Variants in ERBB4 observed in about 807,000 individuals in gnomAD.
The protein encoded by ERBB4 is erb-b2 receptor tyrosine kinase 4, also known as receptor tyrosine-protein kinase erbB-4.
A neutral mutation model predicts 158.0 loss-of-function variants in ERBB4; 42 were observed. The ratio of observed to expected loss-of-function variants is 0.27; its 90% confidence interval spans 0.21 to 0.34. The LOEUF (loss-of-function observed/expected upper bound fraction) is 0.34. ERBB4 is among the 10% of genes least tolerant of loss of function. The pLI, the probability that ERBB4 is intolerant of heterozygous loss-of-function variation, is 1.00. For missense variants in ERBB4, 1,333 were observed against 1,624.1 expected, an observed-to-expected ratio of 0.82 and a Z score of 3.08; for synonymous variants, 583 against 558.7, an observed-to-expected ratio of 1.04 and a Z score of -0.61.
At chr2:211,560,362 C>T (rs2067357393) in intron 20 of ERBB4, among the ~76,000 whole-genome samples, 2 of 144,972 alleles carry the variant, frequency 1.4e-5, no homozygotes, top group South Asian at 4.5e-4. Flanking sequence ...ACAACCTCAG[C>T]CTCCCAGGTA....
chr2:212,102,980 CT>C (rs2079126609), intron 2 of ERBB4, among the ~76,000 whole-genome samples: 1 of 152,118 alleles, frequency 6.6e-6, no homozygotes, highest in Non-Finnish European at 1.5e-5. Flanking sequence ...AACTTCTGCT[CT>C]TCTCCACTTC....
At chr2:212,150,365 C>A (rs1470307354) in intron 1 of ERBB4, among the ~76,000 whole-genome samples, 1 of 152,142 alleles carries the variant, frequency 6.6e-6, no homozygotes, top group Non-Finnish European at 1.5e-5. Context: ...GGACACCAGT[C>A]ATATTGGATT....
At chr2:212,018,402 G>C (rs908351009) in intron 2 of ERBB4, among the ~76,000 whole-genome samples, 7 of 152,046 alleles carry the variant, frequency 4.6e-5, no homozygotes, top group Admixed American at 3.9e-4. Context: ...TCAAAATATT[G>C]AGTCACTTAC....
At chr2:211,869,157 G>A (rs2078280725) in intron 3 of ERBB4, among the ~76,000 whole-genome samples, 1 of 152,094 alleles carries the variant, frequency 6.6e-6, no homozygotes, top group African/African-American at 2.4e-5. Flanking sequence ...CTTCAATCCT[G>A]CCAAGAACGA....
intron 3 of ERBB4, among the ~76,000 whole-genome samples, chr2:211,806,469 T>A (rs926771774): frequency 6.6e-6 from 1 of 152,144 alleles, no homozygotes; most frequent in African/African-American, 2.4e-5. Context: ...ACCATTTTTT[T>A]AAGGAATATT....
intron 3 of ERBB4, among the ~76,000 whole-genome samples, chr2:211,932,865 G>T (rs2125102682): frequency 6.6e-6 from 1 of 151,882 alleles, no homozygotes; most frequent in Non-Finnish European, 1.5e-5. Flanking sequence ...CATGAAAATG[G>T]CTCCATAAAC....
In ERBB4 at chr2:211,755,518, A is replaced by G. The variant is rs192501804; in HGVS notation, c.557-4814T>C. On this transcript the variant is annotated intron_variant, in intron 4 of 27. Transcript: ENST00000342788. ...CCTGTCTCAAAAAATAAAATAAAAT[A>G]AATGAATAAATAAAATAAAAATAAG... Among the ~76,000 whole-genome samples the G allele has an allele frequency of 2.6e-5, 4 of 152,296 alleles. 1 individual carries two copies. In the East Asian group the frequency reaches 7.7e-4, roughly 29 times the overall value.
chr2:211,896,504 AT>A (rs1450199079), intron 3 of ERBB4, among the ~76,000 whole-genome samples: 1 of 151,962 alleles, frequency 6.6e-6, no homozygotes, highest in Admixed American at 6.6e-5. Context: ...CTCCTCTCTG[AT>A]TTTTTTATTA....
At chr2:211,873,228 A>G (rs554769956) in intron 3 of ERBB4, among the ~76,000 whole-genome samples, 11 of 152,386 alleles carry the variant, frequency 7.2e-5, no homozygotes, top group South Asian at 4.1e-4. Context: ...TTAGAACTAG[A>G]AGGACCCCAG....
At chr2:212,299,283 G>T (rs1290643959) in intron 1 of ERBB4, among the ~76,000 whole-genome samples, 5 of 151,618 alleles carry the variant, frequency 3.3e-5, no homozygotes, top group African/African-American at 1.2e-4. Context: ...ATACATTTTG[G>T]AATCATTATG....
chr2:211,621,617 T>C (rs2069606279), intron 18 of ERBB4, among the ~76,000 whole-genome samples: 1 of 152,226 alleles, frequency 6.6e-6, no homozygotes, highest in Non-Finnish European at 1.5e-5. Context: ...GTGTTTAGTC[T>C]TGAGTTATAG....
intron 2 of ERBB4, among the ~76,000 whole-genome samples, chr2:212,002,876 TG>T (rs2076138307): frequency 6.6e-6 from 1 of 151,798 alleles, no homozygotes; most frequent in Non-Finnish European, 1.5e-5. Flanking sequence ...CTGGCCAATA[TG>T]GTGAAACCCT....
Position 211,725,185 on chromosome 2 carries a change from G to A in ERBB4, c.632C>T (p.Thr211Met), listed in dbSNP as rs771486473. The change falls in exon 6 of 28, where the codon ACG becomes ATG. Residue 211 changes from threonine (T) to methionine (M), a missense_variant. Physicochemically the swap from Thr to Met is moderately conservative, Grantham distance 81. Around this residue, in one of 5 missense-constraint regions of ERBB4, gnomAD observed 438 missense variants for 586.9 expected, o/e 0.75. Coordinates refer to ENST00000342788, the MANE Select transcript of ERBB4 (RefSeq NM_005235.3). ...TENHCQTLTR[T>M]VCAEQCDGRC... Reference sequence around the variant, plus strand: ...GCCGTCACATTGTTCTGCACACACCGTCCTTGTCACTGCAGAAGACAGAGA... The same window carrying A: ...GCCGTCACATTGTTCTGCACACACCATCCTTGTCACTGCAGAAGACAGAGA... The A allele has an allele frequency of 1.4e-5, 23 of 1,612,552 alleles. No individual in the cohort carries two copies. The South Asian group carries it at 1.4e-4, about 10-fold the overall frequency.
At chr2:211,803,654 A>T (rs2076549608) in intron 3 of ERBB4, among the ~76,000 whole-genome samples, 1 of 152,234 alleles carries the variant, frequency 6.6e-6, no homozygotes, top group Admixed American at 6.5e-5. Flanking sequence ...ATTTATCGGT[A>T]AATTCCCTCA....
intron 5 of ERBB4, among the ~76,000 whole-genome samples, chr2:211,748,423 G>A (rs1215602445): frequency 6.6e-6 from 1 of 152,198 alleles, no homozygotes; most frequent in Non-Finnish European, 1.5e-5. Context: ...GGAGAAATCT[G>A]AAAGGTGGTG....
chr2:212,057,431 T>C (rs147977599), intron 2 of ERBB4, among the ~76,000 whole-genome samples: 1,977 of 152,288 alleles, frequency 0.013, 22 homozygotes, highest in Middle Eastern at 0.027. Flanking sequence ...CAAGTGGACC[T>C]AGTAGGCATC....
rs558547744 is a variant in ERBB4, at chr2:211,889,750, G to A, written c.421+57680C>T. ...CTGAAAACCAAGGCTCGAGAACTAC[G>A]TGAAGAATGCAGAAGCCTCAGGAGC... is the stretch of plus-strand genomic sequence containing the variant. On this transcript the variant is annotated intron_variant, in intron 3 of 27. Transcript: ENST00000342788. Among the ~76,000 whole-genome samples the A allele has an allele frequency of 3.5e-3, 526 of 151,440 alleles. 4 individuals carry two copies. The highest frequency in any genetic ancestry group is 0.011 in the African/African-American group (469 of 41,038).
At chr2:212,455,995 T>C (rs1044184605) in intron 1 of ERBB4, among the ~76,000 whole-genome samples, 1 of 152,040 alleles carries the variant, frequency 6.6e-6, no homozygotes, top group Non-Finnish European at 1.5e-5. Context: ...CTTTCTTTAA[T>C]GGTTTAAAAT....
chr2:211,571,896 G>A (rs1408242521), intron 19 of ERBB4, among the ~76,000 whole-genome samples: 6 of 151,634 alleles, frequency 4.0e-5, no homozygotes, highest in Admixed American at 2.0e-4. Flanking sequence ...AAGAAAACAC[G>A]GTAAATAATT....
Sources: allele counts gnomAD v4.1 joint callset (sites outside exome capture counted in the v4.1 genomes callset), GRCh38; gene constraint gnomAD v4.1.1; regional missense constraint gnomAD v4.1.1; transcripts MANE v1.5; gene names NCBI Gene and HGNC (gene_info 2026-07-23, HGNC 2026-07-21).